Variants in FGD4 observed in about 807,000 individuals in gnomAD.
FGD4 encodes FYVE, RhoGEF and PH domain-containing protein 4.
In FGD4, 42 loss-of-function variants were observed where a neutral mutation model predicts 102.0. That is an observed-to-expected ratio of 0.41 (90% CI 0.32 to 0.53). The LOEUF (loss-of-function observed/expected upper bound fraction) is 0.53. Ranked by LOEUF, FGD4 falls within the 20% of genes least tolerant of loss-of-function variation. The pLI, the probability that FGD4 is intolerant of heterozygous loss-of-function variation, is 0.21. For synonymous variants in FGD4, 380 were observed against 375.7 expected, an observed-to-expected ratio of 1.01 and a Z score of -0.13; for missense variants, 902 against 1,078.2, an observed-to-expected ratio of 0.84 and a Z score of 2.29.
chr12:32,526,882 C>T (rs951285889), intron 1 of FGD4, among the ~76,000 whole-genome samples: 2 of 152,100 alleles, frequency 1.3e-5, no homozygotes, highest in African/African-American at 4.8e-5. Context: ...TCAGTGAGAC[C>T]AAGAACCCAC....
At chr12:32,493,568 G>T (rs1423606131) in intron 1 of FGD4, among the ~76,000 whole-genome samples, 1 of 152,210 alleles carries the variant, frequency 6.6e-6, no homozygotes, top group Non-Finnish European at 1.5e-5. Flanking sequence ...CCAGGTGCAC[G>T]GTTACTTCCT....
intron 1 of FGD4, among the ~76,000 whole-genome samples, chr12:32,404,594 T>C (rs191897524): frequency 2.6e-4 from 39 of 152,304 alleles, no homozygotes; most frequent in Non-Finnish European, 4.7e-4. Flanking sequence ...GCTTCAGTGC[T>C]TGCATGCCTG....
chr12:32,524,280 C>T (rs1462711231), intron 1 of FGD4, among the ~76,000 whole-genome samples: 1 of 150,462 alleles, frequency 6.6e-6, no homozygotes, highest in African/African-American at 2.5e-5. Context: ...TCCGTAGTCC[C>T]AGCTACTCGG....
chr12:32,622,015 G>A (rs959753928), intron 11 of FGD4, among the ~76,000 whole-genome samples: 2 of 152,072 alleles, frequency 1.3e-5, no homozygotes, highest in African/African-American at 2.4e-5. Context: ...AGCCTCCCGA[G>A]TAGCTGGGAC....
rs920262620 is a variant in FGD4 at position 32,399,609 on chromosome 12, C to A, written c.-185C>A. On this transcript the variant is annotated 5_prime_UTR_variant, in exon 1 of 17. Transcript: ENST00000534526. ...GCAGGAGTCGCCGCAGCCAAACTCGCCGCGACGCCGGGAGGGAGCGTACCG... is the reference window on the plus strand; with the variant it reads ...GCAGGAGTCGCCGCAGCCAAACTCGACGCGACGCCGGGAGGGAGCGTACCG... 39 of 1,386,914 alleles carry A rather than the reference C, an allele frequency of 2.8e-5. No individual in the cohort carries two copies. The South Asian group carries it at 5.3e-4, about 19-fold the overall frequency. The allele number at this position is 1,386,914 out of a possible 1,614,324, so 85.9% of individuals were successfully genotyped here.
intron 1 of FGD4, among the ~76,000 whole-genome samples, chr12:32,511,421 C>T (rs1356545970): frequency 6.6e-6 from 1 of 152,068 alleles, no homozygotes; most frequent in Non-Finnish European, 1.5e-5. Context: ...AAGCAATTCT[C>T]CAGAGTAGCT....
chr12:32,426,214 T>C (rs1332649899), intron 1 of FGD4, among the ~76,000 whole-genome samples: 6 of 152,190 alleles, frequency 3.9e-5, no homozygotes, highest in Admixed American at 3.3e-4. Flanking sequence ...CATAAACAGC[T>C]CTTATTATTT....
chr12:32,417,041 C>T (rs1323236982), intron 1 of FGD4, among the ~76,000 whole-genome samples: 15 of 151,780 alleles, frequency 9.9e-5, no homozygotes, highest in African/African-American at 3.6e-4. Context: ...GGACTACAGG[C>T]GCATGCCACC....
intron 1 of FGD4, among the ~76,000 whole-genome samples, chr12:32,522,758 A>T (rs2136752113): frequency 6.6e-6 from 1 of 152,342 alleles, no homozygotes; most frequent in Admixed American, 6.5e-5. Context: ...TTTGAAAGCA[A>T]AGTGGCAAGA....
Position 32,559,402 on chromosome 12 carries a change from G to A in FGD4, c.167-4735G>A, listed in dbSNP as rs116678644. On this transcript the variant is annotated intron_variant, in intron 1 of 16. Coordinates refer to ENST00000534526, the MANE Select transcript of FGD4 (RefSeq NM_001370298.3). ...ATAGTATTTTTAGCCTTGCAGCCAC[G>A]TATGATCTCTATGTATTTGTCATTG... is the stretch of plus-strand genomic sequence containing the variant. Among the ~76,000 whole-genome samples, 1,298 of 152,180 alleles carry A rather than the reference G, an allele frequency of 8.5e-3. 23 individuals carry two copies. The highest frequency in any genetic ancestry group is 0.028 in the African/African-American group (1,171 of 41,524).
intron 5 of FGD4, chr12:32,600,644 T>C (rs184216225): frequency 9.2e-6 from 2 of 218,460 alleles, no homozygotes; most frequent in African/African-American, 5.0e-5. Context: ...AGGAAGAGAC[T>C]TTTCCCCCTA....
At chr12:32,414,608 A>G (rs1271549721) in intron 1 of FGD4, among the ~76,000 whole-genome samples, 1 of 151,894 alleles carries the variant, frequency 6.6e-6, no homozygotes, top group African/African-American at 2.4e-5. Flanking sequence ...TCTGGTAATC[A>G]TTCTTCTACT....
At chr12:32,468,003 G>A (rs759847949) in intron 1 of FGD4, among the ~76,000 whole-genome samples, 73 of 152,062 alleles carry the variant, frequency 4.8e-4, no homozygotes, top group African/African-American at 1.4e-3. Context: ...GCAACAGAGC[G>A]AGACTCCATC....
chr12:32,638,320 G>C (rs969039777), intron 15 of FGD4, among the ~76,000 whole-genome samples: 10 of 152,192 alleles, frequency 6.6e-5, no homozygotes, highest in Non-Finnish European at 1.2e-4. Context: ...TCTTGGGAAA[G>C]CTATTTAAAC....
chr12:32,574,305 AT>A (rs529243485), intron 2 of FGD4, among the ~76,000 whole-genome samples: 2 of 151,344 alleles, frequency 1.3e-5, no homozygotes, highest in Non-Finnish European at 2.9e-5. Context: ...CTAGCTAAGA[AT>A]GTTGAATTAT....
chr12:32,454,267 C>A (rs1008105807), intron 1 of FGD4, among the ~76,000 whole-genome samples: 1 of 152,004 alleles, frequency 6.6e-6, no homozygotes, highest in Non-Finnish European at 1.5e-5. Flanking sequence ...GCATTTGTAC[C>A]GCATGCAAGG....
intron 14 of FGD4, among the ~76,000 whole-genome samples, chr12:32,632,713 A>ATTTT (rs372972257): frequency 4.4e-4 from 55 of 123,832 alleles, no homozygotes; most frequent in African/African-American, 1.6e-3. Flanking sequence ...TTATTTATTT[A>ATTTT]TTTTTTTTTT....
intron 1 of FGD4, among the ~76,000 whole-genome samples, chr12:32,538,273 G>A (rs1212767142): frequency 6.6e-6 from 1 of 151,970 alleles, no homozygotes; most frequent in African/African-American, 2.4e-5. Context: ...ATGTTCCTAG[G>A]GTCTAGAAAG....
intron 1 of FGD4, 148 bp from the exon 2 acceptor site, chr12:32,563,989 T>G (rs1488893267): frequency 6.8e-6 from 5 of 730,900 alleles, no homozygotes; most frequent in Admixed American, 4.0e-5. Context: ...AGGGAGACCG[T>G]GGAAAGAGAG....
Sources: allele counts gnomAD v4.1 joint callset (sites outside exome capture counted in the v4.1 genomes callset), GRCh38; gene constraint gnomAD v4.1.1; transcripts MANE v1.5; gene names NCBI Gene and HGNC (gene_info 2026-07-23, HGNC 2026-07-21).